Variants in NR3C2 observed in about 807,000 individuals in gnomAD.
NR3C2 encodes nuclear receptor subfamily 3 group C member 2, also known as mineralocorticoid receptor.
NR3C2 carries 15 observed loss-of-function variants against 86.4 expected under a neutral mutation model. That is an observed-to-expected ratio of 0.17 (90% CI 0.12 to 0.27). NR3C2 has a LOEUF of 0.27. Ranked by LOEUF, NR3C2 falls within the 10% of genes least tolerant of loss-of-function variation. NR3C2 has a pLI of 1.00. For synonymous variants in NR3C2, 458 were observed against 450.5 expected (o/e 1.02, Z -0.21); for missense variants, 960 against 1,195.6 (o/e 0.80, Z 2.91).
Position 148,424,932 on chromosome 4 carries a change from C to T in NR3C2, c.1757+10172G>A, listed in dbSNP as rs558514738. ...GAATTAAAAATAAGTAATCTCATTGCGCAGACTAAGAGTGTAAGTCATCAA... is the reference window on the plus strand; with the variant it reads ...GAATTAAAAATAAGTAATCTCATTGTGCAGACTAAGAGTGTAAGTCATCAA... On this transcript the variant is annotated intron_variant, in intron 2 of 8. Transcript: ENST00000358102. Among the ~76,000 whole-genome samples, 5 of 152,148 alleles carry T rather than the reference C, an allele frequency of 3.3e-5. No individual in the cohort carries two copies. In the East Asian group the frequency reaches 5.8e-4, roughly 18 times the overall value.
intron 2 of NR3C2, among the ~76,000 whole-genome samples, chr4:148,390,111 T>C (rs1436989294): frequency 6.7e-6 from 1 of 149,452 alleles, no homozygotes; most frequent in Non-Finnish European, 1.5e-5. Flanking sequence ...CAGGAACCCT[T>C]CAAGTATACA....
chr4:148,212,417 G>A (rs1158386548), intron 3 of NR3C2, among the ~76,000 whole-genome samples: 1 of 152,248 alleles, frequency 6.6e-6, no homozygotes, highest in African/African-American at 2.4e-5. Context: ...GCTACCCTCA[G>A]CAGTGTAGTC....
At chr4:148,312,444 C>T (rs1742947346) in intron 2 of NR3C2, among the ~76,000 whole-genome samples, 1 of 152,182 alleles carries the variant, frequency 6.6e-6, no homozygotes, top group Non-Finnish European at 1.5e-5. Flanking sequence ...GCCTTTCTTT[C>T]CCTGCAGCCA....
rs150965803 is a variant in NR3C2 at position 148,187,182 on chromosome 4, A to G, written c.2014+7564T>C. Among the ~76,000 whole-genome samples, 513 of 151,708 alleles carry G rather than the reference A, an allele frequency of 3.4e-3. 2 individuals are homozygous for G. Among genetic ancestry groups the G allele is most frequent in the African/African-American group, 0.011 (469 of 41,412 alleles). ...ATTGTGCTGTTATAAACATGCGTGTACAAGTATATCTTTCAAATAATGACT... is the reference window on the plus strand; with the variant it reads ...ATTGTGCTGTTATAAACATGCGTGTGCAAGTATATCTTTCAAATAATGACT... On this transcript the variant is annotated intron_variant, in intron 4 of 8. Coordinates refer to ENST00000358102, the MANE Select transcript of NR3C2 (RefSeq NM_000901.5).
intron 4 of NR3C2, among the ~76,000 whole-genome samples, chr4:148,186,116 T>C (rs1735876682): frequency 6.6e-6 from 1 of 152,226 alleles, no homozygotes; most frequent in African/African-American, 2.4e-5. Context: ...TTAACTTTAT[T>C]TCCATACTCT....
chr4:148,435,511 A>C lies in NR3C2; in HGVS notation c.1350T>G (p.Phe450Leu). 1.9e-6 allele frequency: 3 copies of C among 1,614,170 alleles called. No homozygotes were observed. The South Asian group carries it at 3.3e-5, about 18-fold the overall frequency. ...AAAAATACGAGCCATCCATAAATGG[A>C]AACGGGTTTACTGTTGGATTCCCTT... ...SFKGNPTVNP[F>L]PFMDGSYFSF... The change falls in exon 2 of 9, where the codon TTT becomes TTG. Residue 450 changes from phenylalanine to leucine, a missense_variant. Around this residue, in one of 4 missense-constraint regions of NR3C2, gnomAD observed 680 missense variants for 719.0 expected, o/e 0.95. Coordinates refer to ENST00000358102, the MANE Select transcript of NR3C2 (RefSeq NM_000901.5).
chr4:148,087,906 G>T (rs563862844), intron 8 of NR3C2, among the ~76,000 whole-genome samples: 3 of 152,262 alleles, frequency 2.0e-5, no homozygotes, highest in South Asian at 4.1e-4. Context: ...CACAGCAAAA[G>T]AAACTATCAT....
intron 2 of NR3C2, among the ~76,000 whole-genome samples, chr4:148,265,262 C>T (rs961584158): frequency 6.6e-6 from 1 of 151,968 alleles, no homozygotes; most frequent in African/African-American, 2.4e-5. Flanking sequence ...AAAGATTAAC[C>T]AAAGGTTTAT....
chr4:148,321,849 C>A (rs974948028), intron 2 of NR3C2, among the ~76,000 whole-genome samples: 2 of 152,154 alleles, frequency 1.3e-5, no homozygotes, highest in Non-Finnish European at 2.9e-5. Flanking sequence ...CAGTCTGTGT[C>A]TTTTAATTGG....
chr4:148,261,271 G>A (rs1740089484), intron 2 of NR3C2, among the ~76,000 whole-genome samples: 1 of 47,904 alleles, frequency 2.1e-5, no homozygotes, highest in East Asian at 3.0e-3. Context: ...GCGCTATGGT[G>A]CACTATGGTA....
chr4:148,139,048 G>A lies in NR3C2; in HGVS notation c.2510+13421C>T, dbSNP rs569681471. On this transcript the variant is annotated intron_variant, in intron 6 of 8. Transcript: ENST00000358102. Reference sequence around the variant, plus strand: ...CTTAGGCTTCTCAGCCTCTACAACCGTAAGAAATAAATCTTGGTTCTTTAA... The same window carrying A: ...CTTAGGCTTCTCAGCCTCTACAACCATAAGAAATAAATCTTGGTTCTTTAA... Among the ~76,000 whole-genome samples the A allele has an allele frequency of 1.1e-3, 168 of 152,298 alleles. 1 individual carries two copies. The highest frequency in any genetic ancestry group is 3.7e-3 in the African/African-American group (155 of 41,570).
At chr4:148,319,069 G>C (rs573790018) in intron 2 of NR3C2, among the ~76,000 whole-genome samples, 2 of 151,746 alleles carry the variant, frequency 1.3e-5, no homozygotes, top group Non-Finnish European at 2.9e-5. Context: ...TGTAAGGAAG[G>C]GATCCAGTTT....
chr4:148,204,160 G>T (rs925809648), intron 3 of NR3C2, among the ~76,000 whole-genome samples: 1 of 152,020 alleles, frequency 6.6e-6, no homozygotes, highest in Non-Finnish European at 1.5e-5. Context: ...GATAATCAAA[G>T]ATAATATTAT....
Position 148,384,936 on chromosome 4 carries a change from TAAGA to T in NR3C2, c.1757+50164_1757+50167del, listed in dbSNP as rs1159559896. 3.3e-5 allele frequency among the ~76,000 whole-genome samples: 5 copies of T among 152,342 alleles called. No individual in the cohort carries two copies. The East Asian group carries it at 7.7e-4, about 24-fold the overall frequency. On this transcript the variant is annotated intron_variant, in intron 2 of 8. Transcript: ENST00000358102. ...CAAAACCTGTACAACTCTACTCATG[TAAGA>T]ATGATCTTCCAGAATACCATTTTCC...
chr4:148,414,053 A>T (rs1009842641), intron 2 of NR3C2, among the ~76,000 whole-genome samples: 11 of 152,182 alleles, frequency 7.2e-5, no homozygotes, highest in Non-Finnish European at 1.5e-4. Context: ...GAAACAATCT[A>T]AATGTCCATT....
intron 2 of NR3C2, among the ~76,000 whole-genome samples, chr4:148,379,289 C>T (rs2126434429): frequency 6.6e-6 from 1 of 151,570 alleles, no homozygotes; most frequent in South Asian, 2.1e-4. Context: ...AAATTGAAGT[C>T]GTTAGAAATT....
Position 148,435,231 on chromosome 4 carries a change from A to C in NR3C2, c.1630T>G (p.Phe544Val). The C allele has an allele frequency of 6.2e-7, 1 of 1,614,188 alleles. No homozygotes were observed. The highest frequency in any genetic ancestry group is 1.1e-5 in the South Asian group (1 of 91,078). ...GGAGGAAAGGAACTCAGGTGTTGGA[A>C]AGATTGGTCTCTAGCCGATCGTGAT... ...SLSRSARDQS[F>V]QHLSSFPPVN... Residue 544 changes from phenylalanine to valine, a missense_variant, in exon 2 of 9, where the codon TTC becomes GTC. Coordinates refer to ENST00000358102, the MANE Select transcript of NR3C2 (RefSeq NM_000901.5).
At chr4:148,096,063 T>C (rs1269350799) in intron 8 of NR3C2, among the ~76,000 whole-genome samples, 1 of 152,208 alleles carries the variant, frequency 6.6e-6, no homozygotes, top group African/African-American at 2.4e-5. Context: ...TTTAATTTTA[T>C]TTAATTTCCA....
intron 2 of NR3C2, among the ~76,000 whole-genome samples, chr4:148,317,810 T>C (rs1743279308): frequency 6.6e-6 from 1 of 152,204 alleles, no homozygotes; most frequent in Non-Finnish European, 1.5e-5. Flanking sequence ...ATCTCATTTT[T>C]TTTTTTAGTG....
Sources: gnomAD v4.1 joint callset for allele counts (sites outside exome capture counted in the v4.1 genomes callset) on GRCh38, gnomAD v4.1.1 for gene constraint, gnomAD v4.1.1 regional missense constraint, MANE v1.5 for transcripts, NCBI Gene and HGNC (gene_info 2026-07-23, HGNC 2026-07-21) for gene names.